Variants in COMMD9 observed in about 807,000 individuals in gnomAD.
COMMD9 encodes COMM domain containing 9, also known as COMM domain-containing protein 9.
A neutral mutation model predicts 23.4 loss-of-function variants in COMMD9; 22 were observed. That is an observed-to-expected ratio of 0.94 (90% CI 0.67 to 1.34). The LOEUF (loss-of-function observed/expected upper bound fraction) is 1.34, where lower values mean the gene tolerates loss of function less well. COMMD9 is among the 40% of genes most tolerant of loss of function. The pLI, the probability that COMMD9 is intolerant of heterozygous loss-of-function variation, is 0.00. For missense variants in COMMD9, 231 were observed against 240.2 expected (o/e 0.96, Z 0.25); for synonymous variants, 99 against 97.4 (o/e 1.02, Z -0.10).
chr11:36,279,914 T>A (rs1052211516), intron 2 of COMMD9, among the ~76,000 whole-genome samples: 1 of 152,128 alleles, frequency 6.6e-6, no homozygotes, highest in East Asian at 1.9e-4. Flanking sequence ...AAGACCAGCC[T>A]GGGCAACATG....
chr11:36,276,192 G>A lies in COMMD9; in HGVS notation c.401C>T (p.Thr134Ile). ...VDLDWRVDIK[T>I]SSDSISRMAV... ...CATGCGGCTGATGCTGTCTGAGGAGGTTTTGATATCCACTCTCCAGTCCAG... is the reference window on the plus strand; with the variant it reads ...CATGCGGCTGATGCTGTCTGAGGAGATTTTGATATCCACTCTCCAGTCCAG... Residue 134 changes from threonine to isoleucine, a missense_variant, in exon 5 of 6, where the codon ACC becomes ATC. By Grantham distance (89) the Thr-to-Ile change is moderately conservative (BLOSUM62 -1). Coordinates refer to ENST00000263401, the MANE Select transcript of COMMD9 (RefSeq NM_014186.4). 6.2e-7 allele frequency: 1 copy of A among 1,614,140 alleles called. No individual in the cohort carries two copies. The highest frequency in any genetic ancestry group is 8.5e-7 in the Non-Finnish European group (1 of 1,180,010).
intron 1 of COMMD9, among the ~76,000 whole-genome samples, chr11:36,283,922 T>C (rs148616082): frequency 6.6e-6 from 1 of 152,148 alleles, no homozygotes; most frequent in African/African-American, 2.4e-5. Context: ...CTGGGCAACA[T>C]GGTAAAATCT....
rs1286808056 is a variant in COMMD9, at chr11:36,273,870, G to A, written c.*762C>T. 2 of 167,714 alleles carry A rather than the reference G, an allele frequency of 1.2e-5. No individual in the cohort carries two copies. Among genetic ancestry groups the A allele is most frequent in the Non-Finnish European group, 2.6e-5 (2 of 76,700 alleles). The allele number at this position is 167,714 out of a possible 1,614,324, so 10.4% of individuals were successfully genotyped here. A position where few individuals can be genotyped will look rare whatever the true frequency, so the allele number is the denominator to read the frequency against. On this transcript the variant is annotated 3_prime_UTR_variant, in exon 6 of 6. Transcript: ENST00000263401. The stretch of plus-strand genomic sequence containing the variant: ...CACCATGGGTCAAGGGCTTAGCTGG[G>A]AATTAGGAAGTTGGGATCATCTTTA...
At chr11:36,275,902 T>C (rs1304738464) in intron 5 of COMMD9, among the ~76,000 whole-genome samples, 1 of 152,262 alleles carries the variant, frequency 6.6e-6, no homozygotes, top group East Asian at 1.9e-4. Flanking sequence ...GGGTTACCTT[T>C]AGGTATCAGC....
At chr11:36,275,416 AC>A (rs1482273728) in intron 5 of COMMD9, among the ~76,000 whole-genome samples, 1 of 151,706 alleles carries the variant, frequency 6.6e-6, no homozygotes, top group East Asian at 1.9e-4. Flanking sequence ...GAAAATGAAG[AC>A]CTGACACTTC....
chr11:36,280,909 C>A (rs1856055774), intron 1 of COMMD9, 72 bp from the exon 2 acceptor site: 1 of 1,409,830 alleles, frequency 7.1e-7, no homozygotes, highest in Non-Finnish European at 9.5e-7. Flanking sequence ...GTAATAATGT[C>A]TTTGTCATAC....
At chr11:36,283,969 G>A (rs1317513291) in intron 1 of COMMD9, among the ~76,000 whole-genome samples, 1 of 152,132 alleles carries the variant, frequency 6.6e-6, no homozygotes, top group Non-Finnish European at 1.5e-5. Flanking sequence ...AGCCAGGCAT[G>A]GTGGCACTTG....
At chr11:36,282,581 G>A (rs530138169) in intron 1 of COMMD9, among the ~76,000 whole-genome samples, 14 of 152,090 alleles carry the variant, frequency 9.2e-5, no homozygotes, top group African/African-American at 3.1e-4. Context: ...AGAAGAAATC[G>A]AGACATTCTC....
intron 1 of COMMD9, among the ~76,000 whole-genome samples, chr11:36,284,054 C>T (rs1022972104): frequency 3.3e-5 from 5 of 151,966 alleles, no homozygotes; most frequent in Admixed American, 2.0e-4. Context: ...TGCGGTGAGC[C>T]GAGATTGCAC....
intron 5 of COMMD9, among the ~76,000 whole-genome samples, chr11:36,275,874 T>G (rs925832627): frequency 6.6e-6 from 1 of 152,258 alleles, no homozygotes; most frequent in African/African-American, 2.4e-5. Context: ...TTGTTAAAGC[T>G]AAACTGCTAA....
At chr11:36,276,568 C>A in intron 4 of COMMD9, 1 of 267,332 alleles carries the variant, frequency 3.7e-6, no homozygotes, top group Non-Finnish European at 7.2e-6. Context: ...AAATGTGTAG[C>A]TTCAGCAATA....
In COMMD9 at chr11:36,274,108, T is replaced by G; in HGVS notation, c.*524A>C. 8.1e-6 allele frequency: 3 copies of G among 369,106 alleles called. No individual in the cohort carries two copies. The highest frequency in any genetic ancestry group is 6.0e-5 in the South Asian group (3 of 50,420). The allele number at this position is 369,106 out of a possible 1,614,324, so 22.9% of individuals were successfully genotyped here. ...CCTACACTGAAGAGGGGTTCCAGTA[T>G]GGTGGAGGGGGCTCAGGGAACACTC... is the stretch of plus-strand genomic sequence containing the variant. On this transcript the variant is annotated 3_prime_UTR_variant, in exon 6 of 6. Coordinates refer to ENST00000263401, the MANE Select transcript of COMMD9 (RefSeq NM_014186.4).
Position 36,272,402 on chromosome 11 carries a change from T to G in COMMD9, c.*2230A>C, listed in dbSNP as rs1590391572. 6.5e-6 allele frequency: 1 copy of G among 152,732 alleles called. No homozygotes were observed. 9.5% of individuals were successfully genotyped at this position (152,732 alleles called of 1,614,324 possible). A position where few individuals can be genotyped will look rare whatever the true frequency, so the allele number is the denominator to read the frequency against. On this transcript the variant is annotated 3_prime_UTR_variant, in exon 6 of 6. Coordinates refer to ENST00000263401, the MANE Select transcript of COMMD9 (RefSeq NM_014186.4). ...GATCTGGCTAGAGGAAATGTCCAACTGCCCAGACACCTATACTGGGCTTCT... is the reference window on the plus strand; with the variant it reads ...GATCTGGCTAGAGGAAATGTCCAACGGCCCAGACACCTATACTGGGCTTCT...
intron 4 of COMMD9, 30 bp downstream of exon 4, chr11:36,277,059 G>GA: frequency 6.3e-7 from 1 of 1,589,274 alleles, no homozygotes; most frequent in Non-Finnish European, 8.6e-7. Context: ...AGACAAGTAA[G>GA]AAGGGAGGGG....
In COMMD9 at chr11:36,280,857, T is replaced by G; in HGVS notation, c.52-20A>C. The G allele has an allele frequency of 6.6e-7, 1 of 1,522,052 alleles. No individual in the cohort carries two copies. Among genetic ancestry groups the G allele is most frequent in the African/African-American group, 1.4e-5 (1 of 70,310 alleles). The allele number at this position is 1,522,052 out of a possible 1,614,324, so 94.3% of individuals were successfully genotyped here. ...GGAGGCCTATGAATTAAATCACAGA[T>G]AGGAAAAAAAAAAACTCAGACTCTG... On this transcript the variant is annotated intron_variant, in intron 1 of 5. Coordinates refer to ENST00000263401, the MANE Select transcript of COMMD9 (RefSeq NM_014186.4).
Position 36,272,942 on chromosome 11 carries a change from A to G in COMMD9, c.*1690T>C, listed in dbSNP as rs1022945533. On this transcript the variant is annotated 3_prime_UTR_variant, in exon 6 of 6. Coordinates refer to ENST00000263401, the MANE Select transcript of COMMD9 (RefSeq NM_014186.4). The stretch of plus-strand genomic sequence containing the variant: ...GATGATAATACTAATTCTCACACCA[A>G]CTCTGTTATAGTAGATGAGACAATA... 2.6e-5 allele frequency: 4 copies of G among 152,070 alleles called. No individual in the cohort carries two copies. The highest frequency in any genetic ancestry group is 7.3e-5 in the African/African-American group (3 of 41,376). The allele number at this position is 152,070 out of a possible 1,614,324, so 9.4% of individuals were successfully genotyped here.
intron 1 of COMMD9, among the ~76,000 whole-genome samples, chr11:36,286,439 GA>G (rs61190360): frequency 7.9e-6 from 1 of 125,882 alleles, no homozygotes; most frequent in African/African-American, 3.2e-5. Flanking sequence ...AGAAAGAAAA[GA>G]AAAAAAAAAT....
chr11:36,279,886 G>T (rs1443331671), intron 2 of COMMD9, among the ~76,000 whole-genome samples: 1 of 152,120 alleles, frequency 6.6e-6, no homozygotes, highest in African/African-American at 2.4e-5. Context: ...TGGGTGGATT[G>T]CTTGAGCTCA....
At chr11:36,289,317 G>T (rs937573723) in intron 1 of COMMD9, 45 bp downstream of exon 1, 4 of 1,538,200 alleles carry the variant, frequency 2.6e-6, no homozygotes, top group Non-Finnish European at 3.5e-6. Flanking sequence ...CTAAAGTCTC[G>T]GAGACAAAGG....
Sources: gnomAD v4.1 joint callset for allele counts (sites outside exome capture counted in the v4.1 genomes callset) on GRCh38, gnomAD v4.1.1 for gene constraint, MANE v1.5 for transcripts, NCBI Gene and HGNC (gene_info 2026-07-23, HGNC 2026-07-21) for gene names.